The following LARP4 variants were observed in gnomAD, a reference collection of about 807,000 sequenced individuals.
The protein encoded by LARP4 is la-related protein 4.
LARP4 carries 29 observed loss-of-function variants against 92.9 expected under a neutral mutation model. That is an observed-to-expected ratio of 0.31 (90% CI 0.23 to 0.43). The LOEUF (loss-of-function observed/expected upper bound fraction) is 0.43. Ranked by LOEUF, LARP4 falls within the 20% of genes least tolerant of loss-of-function variation. The probability of loss-of-function intolerance (pLI) is 1.00; values close to 1 mark genes in which losing one functional copy is unlikely to be tolerated. For synonymous variants in LARP4, 279 were observed against 284.1 expected, an observed-to-expected ratio of 0.98 and a Z score of 0.18; for missense variants, 732 against 860.0, an observed-to-expected ratio of 0.85 and a Z score of 1.86.
intron 1 of LARP4, among the ~76,000 whole-genome samples, chr12:50,412,826 A>T (rs1446688870): frequency 6.6e-6 from 1 of 152,192 alleles, no homozygotes; most frequent in Non-Finnish European, 1.5e-5. Context: ...GACAGTTTAC[A>T]TCGTTTAGTA....
chr12:50,430,437 T>C lies in LARP4; in HGVS notation c.323-58T>C. 3.4e-6 allele frequency: 3 copies of C among 889,330 alleles called. No individual in the cohort carries two copies. In the South Asian group the frequency reaches 4.4e-5, roughly 13 times the overall value. The allele number at this position is 889,330 out of a possible 1,614,324, so 55.1% of individuals were successfully genotyped here. A position where few individuals can be genotyped will look rare whatever the true frequency, so the allele number is the denominator to read the frequency against. On this transcript the variant is annotated intron_variant, in intron 3 of 15. Coordinates refer to ENST00000398473, the MANE Select transcript of LARP4 (RefSeq NM_052879.5). ...CTTCTGAGTACAACAGTATGTCAGA[T>C]TTATCACCTCTACTAACATGCTATT...
rs988601605 is a variant in LARP4 at position 50,473,422 on chromosome 12, A to G, written c.1553A>G (p.Glu518Gly). ...VKGVYKEKDN[E>G]ELTISCPVPA... Reference sequence around the variant, plus strand: ...AAATCTTTTTACTTTAAGGATAATGAAGAGTTGACAATTAGTTGCCCAGTG... The same window carrying G: ...AAATCTTTTTACTTTAAGGATAATGGAGAGTTGACAATTAGTTGCCCAGTG... Residue 518 changes from glutamate (E) to glycine (G), a missense_variant, in exon 14 of 16, where the codon GAA becomes GGA. Coordinates refer to ENST00000398473, the MANE Select transcript of LARP4 (RefSeq NM_052879.5). 6.2e-7 allele frequency: 1 copy of G among 1,612,644 alleles called. No homozygotes were observed. The highest frequency in any genetic ancestry group is 1.3e-5 in the African/African-American group (1 of 74,884).
chr12:50,435,213 A>T (rs914612085), intron 4 of LARP4, among the ~76,000 whole-genome samples: 16 of 152,222 alleles, frequency 1.1e-4, no homozygotes, highest in African/African-American at 3.6e-4. Context: ...AAACCTCTTT[A>T]TGTATCAGTA....
At chr12:50,401,755 G>A (rs1943893759) in intron 1 of LARP4, among the ~76,000 whole-genome samples, 1 of 152,182 alleles carries the variant, frequency 6.6e-6, no homozygotes, top group Non-Finnish European at 1.5e-5. Context: ...AACTTATTCC[G>A]GGAAAAGCCG....
Position 50,475,549 on chromosome 12 carries a change from T to A in LARP4, c.1860T>A (p.Ala620=), listed in dbSNP as rs747976090. 1.9e-6 allele frequency: 3 copies of A among 1,613,244 alleles called. No homozygotes were observed. Among genetic ancestry groups the A allele is most frequent in the African/African-American group, 2.7e-5 (2 of 74,836 alleles). The change falls in exon 16 of 16, where the codon GCT becomes GCA. Residue 620 remains alanine, a synonymous_variant. Coordinates refer to ENST00000398473, the MANE Select transcript of LARP4 (RefSeq NM_052879.5). The part of the protein sequence containing the change: ...ALQEPRKLSY[A]EVCQKPPKEP... ...AGGAACCCCGAAAGTTAAGTTATGCTGAAGTGTGCCAGAAGCCCCCTAAAG... is the reference window on the plus strand; with the variant it reads ...AGGAACCCCGAAAGTTAAGTTATGCAGAAGTGTGCCAGAAGCCCCCTAAAG...
At chr12:50,432,541 T>A (rs1949809423) in intron 4 of LARP4, among the ~76,000 whole-genome samples, 1 of 152,092 alleles carries the variant, frequency 6.6e-6, no homozygotes, top group African/African-American at 2.4e-5. Flanking sequence ...CTCTTTAACT[T>A]CCTACCCCAT....
chr12:50,429,463 A>G (rs530848601), intron 3 of LARP4, among the ~76,000 whole-genome samples: 1 of 152,120 alleles, frequency 6.6e-6, no homozygotes, highest in Non-Finnish European at 1.5e-5. Flanking sequence ...AAAAAAAATT[A>G]GCTGGGCATG....
Position 50,427,833 on chromosome 12 carries a change from T to C in LARP4, c.90T>C (p.Thr30=). 1 of 1,604,048 alleles carries C rather than the reference T, an allele frequency of 6.2e-7. No individual in the cohort carries two copies. Among genetic ancestry groups the C allele is most frequent in the Non-Finnish European group, 8.5e-7 (1 of 1,173,144 alleles). ...KVWQEIAPGN[T]DATPVTHGTE... is the part of the protein sequence containing the mutation. ...GGCAAGAAATTGCTCCTGGAAATAC[T>C]GATGCCACCCCAGTAACTCATGGAA... Residue 30 remains threonine (T), a synonymous_variant, in exon 2 of 16, where the codon ACT becomes ACC. Transcript: ENST00000398473.
At chr12:50,457,623 A>G (rs1384739359) in intron 10 of LARP4, among the ~76,000 whole-genome samples, 3 of 152,086 alleles carry the variant, frequency 2.0e-5, no homozygotes, top group Admixed American at 2.0e-4. Flanking sequence ...AGACCAACCT[A>G]GGCAACAGAG....
chr12:50,405,859 G>C (rs1312652301), intron 1 of LARP4, among the ~76,000 whole-genome samples: 1 of 152,070 alleles, frequency 6.6e-6, no homozygotes, highest in African/African-American at 2.4e-5. Context: ...TAGTATTTGC[G>C]TAGCACCTAT....
chr12:50,402,115 A>G (rs1400627126), intron 1 of LARP4, among the ~76,000 whole-genome samples: 5 of 152,108 alleles, frequency 3.3e-5, no homozygotes, highest in Admixed American at 1.3e-4. Flanking sequence ...GGGCCAGCCT[A>G]TGGCAGATTT....
intron 1 of LARP4, chr12:50,412,512 A>G (rs1413134594): frequency 3.0e-6 from 2 of 662,034 alleles, no homozygotes; most frequent in African/African-American, 2.0e-5. Flanking sequence ...ATTTATGGTG[A>G]TTTTCTTCCT....
chr12:50,453,395 A>G, intron 8 of LARP4, 65 bp from the exon 9 acceptor site: 1 of 929,218 alleles, frequency 1.1e-6, no homozygotes, highest in Non-Finnish European at 1.7e-6. Context: ...GTTAAAATGT[A>G]AATTAAATGT....
intron 1 of LARP4, among the ~76,000 whole-genome samples, chr12:50,413,848 C>G (rs1946326555): frequency 6.6e-6 from 1 of 152,196 alleles, no homozygotes; most frequent in Admixed American, 6.6e-5. Context: ...AGACCTTACT[C>G]AGATTTTTAC....
chr12:50,441,334 T>G (rs1951174826), intron 7 of LARP4: 1 of 304,798 alleles, frequency 3.3e-6, no homozygotes, highest in Non-Finnish European at 6.1e-6. Flanking sequence ...AATTGGTTTC[T>G]AGGGATATTT....
At chr12:50,421,643 A>AAAAT (rs144012967) in intron 1 of LARP4, among the ~76,000 whole-genome samples, 7,961 of 147,830 alleles carry the variant, frequency 0.054, 602 homozygotes, top group African/African-American at 0.17. Context: ...ACTTCATCAC[A>AAAAT]AAATAAATAA....
chr12:50,436,547 T>G (rs1384489811), intron 5 of LARP4, among the ~76,000 whole-genome samples: 1 of 152,200 alleles, frequency 6.6e-6, no homozygotes, highest in Non-Finnish European at 1.5e-5. Context: ...GTAACAAACT[T>G]GTTTCTAATT....
intron 4 of LARP4, among the ~76,000 whole-genome samples, chr12:50,432,848 G>A (rs554767694): frequency 5.6e-4 from 71 of 127,384 alleles, no homozygotes; most frequent in Middle Eastern, 4.5e-3. Context: ...GAATAAGAGC[G>A]AGACTTCGTT....
intron 1 of LARP4, among the ~76,000 whole-genome samples, chr12:50,426,216 G>T (rs1175717957): frequency 6.6e-6 from 1 of 152,164 alleles, no homozygotes; most frequent in Non-Finnish European, 1.5e-5. Context: ...GTCCTCAGAT[G>T]GCACACTAGG....
Sources: gnomAD v4.1 joint callset for allele counts (sites outside exome capture counted in the v4.1 genomes callset) on GRCh38, gnomAD v4.1.1 for gene constraint, MANE v1.5 for transcripts, NCBI Gene and HGNC (gene_info 2026-07-23, HGNC 2026-07-21) for gene names.